Variants in ELAPOR2 observed in about 807,000 individuals in gnomAD.
ELAPOR2 encodes endosome-lysosome associated apoptosis and autophagy regulator family member 2, also known as endosome/lysosome-associated apoptosis and autophagy regulator family member 2.
In ELAPOR2, 89 loss-of-function variants were observed where a neutral mutation model predicts 120.7. That is an observed-to-expected ratio of 0.74 (90% CI 0.62 to 0.88). The LOEUF (loss-of-function observed/expected upper bound fraction) is 0.88, where lower values mean the gene tolerates loss of function less well. ELAPOR2 is among the 40% of genes least tolerant of loss of function. The pLI is 0.00. For synonymous variants in ELAPOR2, 444 were observed against 444.9 expected (o/e 1.00, Z 0.03); for missense variants, 1,134 against 1,251.6 (o/e 0.91, Z 1.42).
intron 20 of ELAPOR2, 93 bp downstream of exon 20, chr7:86,892,829 G>A (rs1788232604): frequency 8.7e-7 from 1 of 1,151,506 alleles, no homozygotes; most frequent in Non-Finnish European, 1.2e-6. Flanking sequence ...GTCTCTGAGA[G>A]AATCTATTTA....
Position 86,925,638 on chromosome 7 carries a change from G to C in ELAPOR2, c.1289C>G (p.Ala430Gly), listed in dbSNP as rs1277225209. ...DGTKECRPCP[A>G]GTEPALGFEY... ...AAAGCCAAGTGCAGGCTCCGTTCCT[G>C]CTGGACATGGTCTACATTCTACAGG... The change falls in exon 10 of 22, where the codon GCA (alanine) becomes GGA (glycine). Residue 430 changes from alanine to glycine, a missense_variant. Coordinates refer to ENST00000450689, the MANE Select transcript of ELAPOR2 (RefSeq NM_001142749.3). 1 of 1,611,566 alleles carries C rather than the reference G, an allele frequency of 6.2e-7. No individual in the cohort carries two copies. Among genetic ancestry groups the C allele is most frequent in the Non-Finnish European group, 8.5e-7 (1 of 1,178,380 alleles).
chr7:87,024,692 C>T (rs979567072), intron 1 of ELAPOR2, among the ~76,000 whole-genome samples: 1 of 152,048 alleles, frequency 6.6e-6, no homozygotes, highest in African/African-American at 2.4e-5. Flanking sequence ...TCCATCTGGT[C>T]CTGGACTTTT....
At position 86,882,911 on chromosome 7, in the gene ELAPOR2, C is replaced by T. The variant is rs10264956; in HGVS notation, c.3031-2381G>A. Reference sequence around the variant, plus strand: ...AGAATCTTCTCCAAAGCCAACTTCCCCCAGAAGGTTTTCCTCACCTTGTCA... The same window carrying T: ...AGAATCTTCTCCAAAGCCAACTTCCTCCAGAAGGTTTTCCTCACCTTGTCA... On this transcript the variant is annotated intron_variant, in intron 21 of 21. Transcript: ENST00000450689. 4.3e-3 allele frequency among the ~76,000 whole-genome samples: 656 copies of T among 152,186 alleles called. 4 individuals are homozygous for T. The highest frequency in any genetic ancestry group is 0.014 in the African/African-American group (562 of 41,500).
chr7:87,041,089 G>C (rs979919927), intron 1 of ELAPOR2, among the ~76,000 whole-genome samples: 3 of 152,144 alleles, frequency 2.0e-5, no homozygotes, highest in South Asian at 2.1e-4. Flanking sequence ...AATGAGCAAA[G>C]CCTCCAAGAA....
chr7:86,915,123 G>T (rs564182705), intron 12 of ELAPOR2, among the ~76,000 whole-genome samples: 109 of 151,784 alleles, frequency 7.2e-4, no homozygotes, highest in Middle Eastern at 3.4e-3. Context: ...AAGGGTTGGG[G>T]TTTTTTTTGT....
chr7:87,053,736 G>A (rs1795182662), intron 1 of ELAPOR2, among the ~76,000 whole-genome samples: 1 of 152,164 alleles, frequency 6.6e-6, no homozygotes, highest in African/African-American at 2.4e-5. Flanking sequence ...TCCAGGAAAG[G>A]ATAGGATATA....
chr7:86,952,013 T>C (rs1791272101), intron 2 of ELAPOR2, among the ~76,000 whole-genome samples: 1 of 152,154 alleles, frequency 6.6e-6, no homozygotes, highest in Non-Finnish European at 1.5e-5. Context: ...ACTAAAATGC[T>C]AAACACATAG....
chr7:86,978,524 G>C (rs1792355759), intron 1 of ELAPOR2, among the ~76,000 whole-genome samples: 1 of 152,004 alleles, frequency 6.6e-6, no homozygotes. Flanking sequence ...TTTCTTTTGT[G>C]GGAAAAATAA....
At chr7:87,021,466 C>T (rs1584002756) in intron 1 of ELAPOR2, among the ~76,000 whole-genome samples, 1 of 152,032 alleles carries the variant, frequency 6.6e-6, no homozygotes, top group African/African-American at 2.4e-5. Context: ...TCATGATATC[C>T]ATATCATAAG....
chr7:87,026,752 T>C (rs943611014), intron 1 of ELAPOR2, among the ~76,000 whole-genome samples: 1 of 152,126 alleles, frequency 6.6e-6, no homozygotes, highest in Admixed American at 6.6e-5. Context: ...TTAATTATGA[T>C]CTGTATTTTA....
At chr7:86,999,163 A>G (rs1436017217) in intron 1 of ELAPOR2, among the ~76,000 whole-genome samples, 1 of 152,032 alleles carries the variant, frequency 6.6e-6, no homozygotes, top group Non-Finnish European at 1.5e-5. Flanking sequence ...GAAAAAAAGA[A>G]AAAAAAAGAT....
At chr7:87,016,894 C>T (rs1793886799) in intron 1 of ELAPOR2, among the ~76,000 whole-genome samples, 1 of 152,028 alleles carries the variant, frequency 6.6e-6, no homozygotes, top group African/African-American at 2.4e-5. Flanking sequence ...TAAAAGAAAT[C>T]TCCTTTCCAA....
chr7:87,013,944 A>C (rs1793778733), intron 1 of ELAPOR2, among the ~76,000 whole-genome samples: 1 of 151,654 alleles, frequency 6.6e-6, no homozygotes, highest in East Asian at 1.9e-4. Flanking sequence ...TGAGACCAAC[A>C]GGTGATGCTC....
At chr7:86,943,924 C>A (rs997907413) in intron 4 of ELAPOR2, among the ~76,000 whole-genome samples, 1 of 152,066 alleles carries the variant, frequency 6.6e-6, no homozygotes, top group Admixed American at 6.6e-5. Flanking sequence ...GGAAGGTTCA[C>A]TTAATTGCTC....
chr7:87,001,457 A>G (rs1047463040), intron 1 of ELAPOR2, among the ~76,000 whole-genome samples: 35 of 152,198 alleles, frequency 2.3e-4, no homozygotes, highest in African/African-American at 7.5e-4. Context: ...GAGAACAGAC[A>G]TGGAAACAGC....
chr7:87,013,839 T>C (rs777229568), intron 1 of ELAPOR2, among the ~76,000 whole-genome samples: 17 of 152,210 alleles, frequency 1.1e-4, no homozygotes, highest in Non-Finnish European at 2.2e-4. Flanking sequence ...AATTTACTTA[T>C]CACCACAAAA....
intron 2 of ELAPOR2, among the ~76,000 whole-genome samples, chr7:86,948,932 G>T (rs1791119100): frequency 6.6e-6 from 1 of 152,134 alleles, no homozygotes; most frequent in South Asian, 2.1e-4. Context: ...TCCCAGCAGA[G>T]TGTAAAGCAG....
intron 15 of ELAPOR2, among the ~76,000 whole-genome samples, chr7:86,910,923 A>AT (rs1225722565): frequency 2.0e-5 from 3 of 151,988 alleles, no homozygotes; most frequent in South Asian, 4.2e-4. Context: ...TCACCAGTAT[A>AT]TTTTTTTTAC....
chr7:87,051,193 G>A (rs1272823906), intron 1 of ELAPOR2, among the ~76,000 whole-genome samples: 1 of 152,122 alleles, frequency 6.6e-6, no homozygotes, highest in Non-Finnish European at 1.5e-5. Context: ...ATAAATCGCT[G>A]GAACATGGCA....
Sources: allele counts gnomAD v4.1 joint callset (sites outside exome capture counted in the v4.1 genomes callset), GRCh38; gene constraint gnomAD v4.1.1; transcripts MANE v1.5; gene names NCBI Gene and HGNC (gene_info 2026-07-23, HGNC 2026-07-21).